ANO7: variants seen among roughly 807,000 people sequenced by gnomAD.
ANO7 encodes anoctamin-7.
A neutral mutation model predicts 115.8 loss-of-function variants in ANO7; 114 were observed. That is an observed-to-expected ratio of 0.98 (90% confidence interval 0.85 to 1.15). ANO7 has a LOEUF of 1.15. ANO7 is among the 50% of genes most tolerant of loss of function. ANO7 has a pLI of 0.00. For synonymous variants in ANO7, 550 were observed against 498.2 expected (o/e 1.10, Z -1.38); for missense variants, 1,302 against 1,201.2 (o/e 1.08, Z -1.24).
intron 8 of ANO7, 60 bp downstream of exon 8, chr2:241,202,364 G>A (rs1379208330): frequency 6.6e-6 from 10 of 1,512,824 alleles, no homozygotes; most frequent in African/African-American, 2.7e-5. Context: ...CTTGGGTCCT[G>A]TTGGCCCCCA....
the ANO7 span, chr2:241,235,291 C>G: frequency 6.2e-7 from 1 of 1,613,864 alleles, no homozygotes; most frequent in Admixed American, 1.7e-5. Context: ...CGTTCAGGAC[C>G]CCAGAGAACA....
At chr2:241,230,658 C>T (rs926055302), downstream of ANO7, 36 of 1,020,782 alleles carry the variant, frequency 3.5e-5, no homozygotes, top group Non-Finnish European at 5.0e-5. The surrounding 1 kb of genome is among the most constrained non-coding windows in gnomAD (Gnocchi z 5.0). Flanking sequence ...GTTGTGGCCT[C>T]ATCATCTTGA....
the ANO7 span, chr2:241,233,684 AT>A: frequency 1.1e-6 from 1 of 895,580 alleles, no homozygotes. The surrounding 1 kb of genome is among the most constrained non-coding windows in gnomAD (Gnocchi z 4.3). Context: ...TCAAGCCAGA[AT>A]TAGGTCCTGA....
Position 241,207,628 on chromosome 2 carries a change from C to A in ANO7, c.1035C>A (p.Asp345Glu). The A allele has an allele frequency of 6.2e-7, 1 of 1,613,948 alleles. No homozygotes were observed. Among genetic ancestry groups the A allele is most frequent in the Non-Finnish European group, 8.5e-7 (1 of 1,179,988 alleles). ...TCGAGATGTGCCCACTTTGCCTCGACTGCCCTTTCTGGCTGCTCTCCAGCG... is the reference window on the plus strand; with the variant it reads ...TCGAGATGTGCCCACTTTGCCTCGAATGCCCTTTCTGGCTGCTCTCCAGCG... ...DSFEMCPLCL[D>E]CPFWLLSSAC... Residue 345 changes from aspartate (D) to glutamate (E), a missense_variant, in exon 11 of 25, where the codon GAC (aspartate) becomes GAA (glutamate). Coordinates refer to ENST00000674324, the MANE Select transcript of ANO7 (RefSeq NM_001370694.2).
chr2:241,214,969 C>G, intron 18 of ANO7, 67 bp downstream of exon 18: 9 of 1,405,500 alleles, frequency 6.4e-6, no homozygotes. Flanking sequence ...CTGGCAGTAG[C>G]AGCCTCCAGC....
rs1356960560 is a variant in ANO7, at chr2:241,218,338, C to T, written c.2278C>T (p.Arg760Ter). ...LRGFLNFTLARAPSSFAAAHN... is the reference protein window; with the variant it reads ...LRGFLNFTLA ...CGGCTTCCTCAACTTCACGCTGGCG[C>T]GAGCCCCGTCCTCCTTCGCCGCCGC... Residue 760 changes from arginine (R) to a stop codon, truncating the protein, a stop_gained, in exon 21 of 25, where the codon CGA becomes TGA. Coordinates refer to ENST00000674324, the MANE Select transcript of ANO7 (RefSeq NM_001370694.2). LOFTEE classifies it high-confidence loss of function. The T allele has an allele frequency of 1.3e-6, 2 of 1,496,126 alleles. No individual in the cohort carries two copies. The highest frequency in any genetic ancestry group is 1.2e-5 in the South Asian group (1 of 80,546). 92.7% of individuals were successfully genotyped at this position (1,496,126 alleles called of 1,614,324 possible).
the ANO7 span, among the ~76,000 whole-genome samples, chr2:241,232,271 A>G: frequency 6.8e-6 from 1 of 147,838 alleles, no homozygotes; most frequent in African/African-American, 2.5e-5. Context: ...TTGCTAAACA[A>G]TGACTTTTTT....
chr2:241,217,535 T>G, intron 19 of ANO7, 151 bp from the exon 20 acceptor site: 2 of 902,416 alleles, frequency 2.2e-6, no homozygotes, highest in Non-Finnish European at 3.3e-6. Flanking sequence ...CGCTGCGCGG[T>G]CCAGGACGAG....
At chr2:241,195,680 C>A (rs771183170) in intron 3 of ANO7, 23 bp from the exon 4 acceptor site, 21 of 1,611,392 alleles carry the variant, frequency 1.3e-5, no homozygotes, top group Non-Finnish European at 1.7e-5. Flanking sequence ...CAGGCTCCTG[C>A]CTCTGTCCCT....
intron 7 of ANO7, among the ~76,000 whole-genome samples, chr2:241,201,789 A>C (rs1486641773): frequency 1.3e-5 from 2 of 152,082 alleles, no homozygotes; most frequent in Non-Finnish European, 2.9e-5. Context: ...ACCACAGGGC[A>C]CACAGTCACG....
At chr2:241,211,175 C>T (rs974794561) in intron 15 of ANO7, among the ~76,000 whole-genome samples, 8 of 152,164 alleles carry the variant, frequency 5.3e-5, no homozygotes, top group African/African-American at 1.9e-4. Flanking sequence ...AGTTCTCACC[C>T]CTCCACAGGG....
chr2:241,227,972 C>T (rs2069289079), downstream of ANO7: 1 of 152,274 alleles, frequency 6.6e-6, no homozygotes, highest in Admixed American at 6.5e-5. Flanking sequence ...TTTACCATTC[C>T]TGTAAACAGG....
intron 7 of ANO7, 105 bp from the exon 8 acceptor site, chr2:241,202,089 G>A: frequency 1.1e-6 from 1 of 894,448 alleles, no homozygotes; most frequent in Non-Finnish European, 1.8e-6. Context: ...CCAGAAGGCT[G>A]AGGGAGGCCG....
rs1307788198 is a variant in ANO7 at position 241,225,418 on chromosome 2, G to A, written c.*1265G>A. The stretch of plus-strand genomic sequence containing the variant: ...CGGGCATCTGTAATCCCAGCTATTT[G>A]GGAGGCTGAGGCAGGAGAATCGTTT... On this transcript the variant is annotated 3_prime_UTR_variant, in exon 25 of 25. Transcript: ENST00000674324. 1.3e-5 allele frequency: 2 copies of A among 152,140 alleles called. No individual in the cohort carries two copies. The highest frequency in any genetic ancestry group is 4.8e-5 in the African/African-American group (2 of 41,394). 9.4% of individuals were successfully genotyped at this position (152,140 alleles called of 1,614,324 possible).
At chr2:241,198,865 C>T (rs2068402083) in intron 4 of ANO7, among the ~76,000 whole-genome samples, 1 of 152,250 alleles carries the variant, frequency 6.6e-6, no homozygotes, top group Non-Finnish European at 1.5e-5. Context: ...TATATGTACA[C>T]ACACATACAC....
At position 241,223,175 on chromosome 2, in the gene ANO7, G is replaced by A; in HGVS notation, c.2322-11G>A. 6.2e-7 allele frequency: 1 copy of A among 1,613,584 alleles called. No individual in the cohort carries two copies. The stretch of plus-strand genomic sequence containing the variant: ...CCTGGCTGCGCGCACTGAGTCCTGT[G>A]TCTGCTGCAGGTATCGGGCTTTCCG... On this transcript the variant is annotated splice_polypyrimidine_tract_variant and intron_variant, in intron 21 of 24. Coordinates refer to ENST00000674324, the MANE Select transcript of ANO7 (RefSeq NM_001370694.2).
At chr2:241,201,065 T>A (rs2149158001) in intron 6 of ANO7, among the ~76,000 whole-genome samples, 1 of 152,360 alleles carries the variant, frequency 6.6e-6, no homozygotes, top group East Asian at 1.9e-4. Context: ...TGTGGCCTCC[T>A]GTTCCTGGGG....
chr2:241,214,886 C>A lies in ANO7; in HGVS notation c.1810C>A (p.Gln604Lys). 1 of 1,612,662 alleles carries A rather than the reference C, an allele frequency of 6.2e-7. No individual in the cohort carries two copies. The highest frequency in any genetic ancestry group is 2.2e-5 in the East Asian group (1 of 44,876). ...MVGKQVINNMQEVLIPKLKGW... is the reference protein window; with the variant it reads ...MVGKQVINNMKEVLIPKLKGW... ...GGGCAAGCAGGTCATCAACAACATG[C>A]AGGAGGTCCTCATCCCGTGAGTCCC... Residue 604 changes from glutamine (Q) to lysine (K), a missense_variant, in exon 18 of 25, where the codon CAG (glutamine) becomes AAG (lysine). Coordinates refer to ENST00000674324, the MANE Select transcript of ANO7 (RefSeq NM_001370694.2).
At position 241,212,208 on chromosome 2, in the gene ANO7, T is replaced by G. The variant is rs377509098; in HGVS notation, c.1673+3T>G. ...TACATTGCCTTCTTCAAGGGCAGGT[T>G]GGTGGGCACCTCTCCCTCTGGCCAC... On this transcript the variant is annotated splice_donor_region_variant and intron_variant, in intron 16 of 24. Coordinates refer to ENST00000674324, the MANE Select transcript of ANO7 (RefSeq NM_001370694.2). 3 of 1,610,660 alleles carry G rather than the reference T, an allele frequency of 1.9e-6. No individual in the cohort carries two copies. In the African/African-American group the frequency reaches 4.0e-5, roughly 22 times the overall value.
Sources: allele counts gnomAD v4.1 joint callset (sites outside exome capture counted in the v4.1 genomes callset), GRCh38; gene constraint gnomAD v4.1.1; non-coding constraint Gnocchi (gnomAD v3.1); transcripts MANE v1.5; gene names NCBI Gene and HGNC (gene_info 2026-07-23, HGNC 2026-07-21).